SKI: variants seen among roughly 807,000 people sequenced by gnomAD.
SKI encodes the protein SKI proto-oncogene.
SKI carries 23 observed loss-of-function variants against 59.3 expected under a neutral mutation model. That is an observed-to-expected ratio of 0.39 (90% CI 0.28 to 0.55). SKI has a LOEUF of 0.55. Among genes scored for constraint, SKI ranks in the 20% least tolerant of loss-of-function variants. The probability of loss-of-function intolerance (pLI) is 0.67; values close to 1 mark genes in which losing one functional copy is unlikely to be tolerated. For missense variants in SKI, 1,017 were observed against 1,038.9 expected, an observed-to-expected ratio of 0.98 and a Z score of 0.29; for synonymous variants, 673 against 488.6, an observed-to-expected ratio of 1.38 and a Z score of -4.98.
chr1:2,302,853 G>A (rs375952112), intron 1 of SKI, 125 bp from the exon 2 acceptor site: 50 of 1,313,566 alleles, frequency 3.8e-5, no homozygotes, highest in African/African-American at 3.5e-4. Context: ...TGCCTTCTGC[G>A]CCACTCAGGG....
intron 1 of SKI, chr1:2,240,760 G>A (rs1290438940): frequency 1.0e-6 from 1 of 985,372 alleles, no homozygotes; most frequent in East Asian, 1.1e-4. Flanking sequence ...GGTGGGAGGG[G>A]AGAAGCACAG....
chr1:2,306,112 C>T lies in SKI; in HGVS notation c.1860C>T (p.Arg620=), dbSNP rs1002513362. Residue 620 remains arginine, a synonymous_variant, in exon 6 of 7, where the codon CGC becomes CGT. Transcript: ENST00000378536. ...RNLRKEIERL[R]AENEKKMKEA... is the part of the protein sequence containing the mutation. ...TGCGGAAGGAGATCGAGCGTCTCCGCGCCGAGAACGAGAAGAAGATGAAAG... is the reference window on the plus strand; with the variant it reads ...TGCGGAAGGAGATCGAGCGTCTCCGTGCCGAGAACGAGAAGAAGATGAAAG... The T allele has an allele frequency of 2.8e-5, 45 of 1,598,768 alleles. No homozygotes were observed. The highest frequency in any genetic ancestry group is 3.7e-5 in the Non-Finnish European group (44 of 1,174,192).
At chr1:2,257,620 T>A (rs1639301176) in intron 1 of SKI, among the ~76,000 whole-genome samples, 1 of 152,290 alleles carries the variant, frequency 6.6e-6, no homozygotes, top group South Asian at 2.1e-4. Context: ...GTTGAAGCGA[T>A]GTTGCTCTTC....
chr1:2,306,750 G>A lies in SKI; in HGVS notation c.2172G>A (p.Ala724=), dbSNP rs879070309. Residue 724 remains alanine (A), a synonymous_variant, in exon 7 of 7, where the codon GCG becomes GCA. Coordinates refer to ENST00000378536, the MANE Select transcript of SKI (RefSeq NM_003036.4). ...AGGCTGCGGGCAGCGAGGGCGCTGC[G>A]GAGCTGGAGCCGTAGATTCCGTGCC... ...RPEAAGSEGA[A]ELEP 7.2e-6 allele frequency: 11 copies of A among 1,522,822 alleles called. No homozygotes were observed. The highest frequency in any genetic ancestry group is 8.8e-6 in the Non-Finnish European group (10 of 1,138,366). The allele number at this position is 1,522,822 out of a possible 1,614,324, so 94.3% of individuals were successfully genotyped here.
In SKI at chr1:2,309,673, C is replaced by G. The variant is rs867978832; in HGVS notation, c.*2908C>G. The G allele has an allele frequency of 2.5e-5, 3 of 121,248 alleles. No individual in the cohort carries two copies. The highest frequency in any genetic ancestry group is 2.9e-4 in the East Asian group (1 of 3,490). 7.5% of individuals were successfully genotyped at this position (121,248 alleles called of 1,614,324 possible). ...TGTGGGTCTGAGCCCCGGCCCCCCC[C>G]ACCTCCTCCTCCCTGTGGGTCCGAA... On this transcript the variant is annotated 3_prime_UTR_variant, in exon 7 of 7. Coordinates refer to ENST00000378536, the MANE Select transcript of SKI (RefSeq NM_003036.4).
At chr1:2,302,445 A>G (rs2100914777) in intron 1 of SKI, among the ~76,000 whole-genome samples, 1 of 152,254 alleles carries the variant, frequency 6.6e-6, no homozygotes, top group African/African-American at 2.4e-5. Flanking sequence ...CCACAGGGAC[A>G]CGGTGTCCCC....
chr1:2,286,198 G>A (rs548333683), intron 1 of SKI, among the ~76,000 whole-genome samples: 103 of 152,300 alleles, frequency 6.8e-4, no homozygotes, highest in African/African-American at 2.4e-3. Context: ...CTTGTGTAAT[G>A]CCAGTTTAAG....
At position 2,303,967 on chromosome 1, in the gene SKI, G is replaced by A. The variant is rs1325458157; in HGVS notation, c.1339G>A (p.Ala447Thr). 12 of 1,612,198 alleles carry A rather than the reference G, an allele frequency of 7.4e-6. No homozygotes were observed. The highest frequency in any genetic ancestry group is 1.7e-5 in the Admixed American group (1 of 59,962). The change falls in exon 4 of 7, where the codon GCC becomes ACC. Residue 447 changes from alanine to threonine, a missense_variant. Ala to Thr is a moderately conservative substitution (Grantham distance 58). Transcript: ENST00000378536. This position sits in a 1 kb window ranked among gnomAD's most constrained non-coding sequence, Gnocchi z 5.6. ...CGTCTCCCGGGCCCCCGAGCCTCTC[G>A]CCACTTGCACCCAGCCTCGGAAGCG... is the stretch of plus-strand genomic sequence containing the variant. ...AAVSRAPEPL[A>T]TCTQPRKRKL...
chr1:2,262,039 C>G (rs1158463196), intron 1 of SKI, among the ~76,000 whole-genome samples: 1 of 133,882 alleles, frequency 7.5e-6, no homozygotes, highest in African/African-American at 2.9e-5. Flanking sequence ...ATCTCCTGAT[C>G]TCCTGATCTG....
In SKI at chr1:2,306,799, C is replaced by T. The variant is rs1423585605; in HGVS notation, c.*34C>T. 4 of 1,451,398 alleles carry T rather than the reference C, an allele frequency of 2.8e-6. No individual in the cohort carries two copies. Among genetic ancestry groups the T allele is most frequent in the Non-Finnish European group, 2.7e-6 (3 of 1,103,142 alleles). The allele number at this position is 1,451,398 out of a possible 1,614,324, so 89.9% of individuals were successfully genotyped here. ...CCTGCCGCCGCAGCGCCGCCGACAA[C>T]GCGGGTGCAGGGGGGCGCGGCTGGG... On this transcript the variant is annotated 3_prime_UTR_variant, in exon 7 of 7. Transcript: ENST00000378536.
At chr1:2,283,595 C>T (rs1003847062) in intron 1 of SKI, among the ~76,000 whole-genome samples, 1 of 152,214 alleles carries the variant, frequency 6.6e-6, no homozygotes, top group Non-Finnish European at 1.5e-5. Flanking sequence ...GGCTTGGGGT[C>T]TCTGTGTCTC....
intron 1 of SKI, among the ~76,000 whole-genome samples, chr1:2,238,310 C>T (rs1003238496): frequency 4.6e-5 from 7 of 152,226 alleles, no homozygotes; most frequent in Non-Finnish European, 7.3e-5. Context: ...TTTATGGTTT[C>T]CCAGATGACT....
chr1:2,269,892 G>C lies in SKI; in HGVS notation c.970-33086G>C, dbSNP rs1639579906. ...GCGTGGGTCTGGCGGGTCTCGTGGT[G>C]CCTGTGGCTGGCGTGGGTCTGGCGG... On this transcript the variant is annotated intron_variant, in intron 1 of 6. Coordinates refer to ENST00000378536, the MANE Select transcript of SKI (RefSeq NM_003036.4). The surrounding 1 kb of genome is among the most constrained non-coding windows in gnomAD (Gnocchi z 4.7). 8.6e-6 allele frequency among the ~76,000 whole-genome samples: 1 copy of C among 116,796 alleles called. No homozygotes were observed. Among genetic ancestry groups the C allele is most frequent in the Non-Finnish European group, 1.8e-5 (1 of 55,286 alleles). 76.6% of individuals were successfully genotyped at this position (116,796 alleles called of 152,430 possible).
At chr1:2,288,397 C>T (rs1429992864) in intron 1 of SKI, among the ~76,000 whole-genome samples, 3 of 152,224 alleles carry the variant, frequency 2.0e-5, no homozygotes, top group Admixed American at 6.5e-5. Flanking sequence ...GCTGAGATTA[C>T]AGGCATGAGC....
chr1:2,255,593 C>G (rs1639256194), intron 1 of SKI, among the ~76,000 whole-genome samples: 1 of 151,616 alleles, frequency 6.6e-6, no homozygotes, highest in Admixed American at 6.6e-5. Flanking sequence ...TTGTCCTGAC[C>G]TCATTTCCTG....
intron 1 of SKI, among the ~76,000 whole-genome samples, chr1:2,289,278 C>T (rs1352778904): frequency 6.6e-6 from 1 of 152,174 alleles, no homozygotes; most frequent in African/African-American, 2.4e-5. Flanking sequence ...GACTTGACAC[C>T]TGTCTCAGTG....
intron 4 of SKI, 65 bp from the exon 5 acceptor site, chr1:2,304,228 G>GTCT: frequency 6.4e-7 from 1 of 1,553,746 alleles, no homozygotes; most frequent in East Asian, 2.4e-5. Flanking sequence ...GGAGCGGCGC[G>GTCT]TCTCCCTGGT....
chr1:2,279,670 C>G (rs1450234816), intron 1 of SKI, among the ~76,000 whole-genome samples: 1 of 151,926 alleles, frequency 6.6e-6, no homozygotes, highest in African/African-American at 2.4e-5. Flanking sequence ...CCCACCCAGG[C>G]ACTGGGCGTG....
intron 1 of SKI, among the ~76,000 whole-genome samples, chr1:2,237,046 T>C (rs529429612): frequency 1.3e-5 from 2 of 152,326 alleles, no homozygotes; most frequent in South Asian, 2.1e-4. Context: ...TTCTCTGTCC[T>C]GAGGGTTCCA....
Sources: allele counts gnomAD v4.1 joint callset (sites outside exome capture counted in the v4.1 genomes callset), GRCh38; gene constraint gnomAD v4.1.1; non-coding constraint Gnocchi (gnomAD v3.1); transcripts MANE v1.5; gene names NCBI Gene and HGNC (gene_info 2026-07-23, HGNC 2026-07-21).